Variants in DCAF8L2 observed in about 807,000 individuals in gnomAD.
DCAF8L2 encodes the protein DDB1 and CUL4 associated factor 8 like 2.
For synonymous variants in DCAF8L2, 200 were observed against 190.9 expected (o/e 1.05, Z -0.39); for missense variants, 430 against 490.7 (o/e 0.88, Z 1.17).
chrX:27,590,991 T>TTTTATATA (rs761150025), intron 1 of DCAF8L2, among the ~76,000 whole-genome samples: 2 of 68,064 alleles, frequency 2.9e-5, no homozygotes, highest in African/African-American at 8.8e-5. Context: ...CCTTTACATT[T>TTTTATATA]TATATATATA....
rs1369280908 is a variant in DCAF8L2 at position 27,728,144 on chromosome X, C to T, written c.-59+11973C>T. Among the ~76,000 whole-genome samples, 4 of 111,309 alleles carry T rather than the reference C, an allele frequency of 3.6e-5. No homozygotes were observed. In the Admixed American group the frequency reaches 3.8e-4, roughly 11 times the overall value. On this transcript the variant is annotated intron_variant, in intron 4 of 4. Coordinates refer to ENST00000451261, the MANE Select transcript of DCAF8L2 (RefSeq NM_001353450.2). ...CAATAAATATGCAACACAGAACTGC[C>T]GATGAGTTAATGCACCTTAGGGAGG...
intron 3 of DCAF8L2, among the ~76,000 whole-genome samples, chrX:27,705,838 C>A (rs1205849089): frequency 2.7e-5 from 3 of 111,491 alleles, no homozygotes; most frequent in African/African-American, 9.8e-5. Flanking sequence ...TTGTTTTTGC[C>A]ATCTTTGTCA....
intron 2 of DCAF8L2, among the ~76,000 whole-genome samples, chrX:27,662,194 C>T (rs1929582462): frequency 9.0e-6 from 1 of 110,704 alleles, no homozygotes; most frequent in Admixed American, 9.7e-5. Flanking sequence ...GATATTATGT[C>T]TGTAAAGATT....
the DCAF8L2 span, among the ~76,000 whole-genome samples, chrX:27,478,481 G>A: frequency 8.9e-6 from 1 of 111,963 alleles, no homozygotes; most frequent in Admixed American, 9.5e-5. Context: ...GATTACATTT[G>A]CTTTCTTTGT....
At chrX:27,530,409 T>C in the DCAF8L2 span, among the ~76,000 whole-genome samples, 1 of 111,012 alleles carries the variant, frequency 9.0e-6, no homozygotes, top group African/African-American at 3.3e-5. Context: ...ATATATCTTG[T>C]CCCTGTTCCA....
At chrX:27,689,274 C>T (rs1276568002) in intron 3 of DCAF8L2, among the ~76,000 whole-genome samples, 2 of 112,237 alleles carry the variant, frequency 1.8e-5, no homozygotes, top group Non-Finnish European at 3.8e-5. Context: ...GATGGAGTCT[C>T]GCTCAGTCAC....
At chrX:27,564,208 AAG>A in the DCAF8L2 span, among the ~76,000 whole-genome samples, 74 of 110,829 alleles carry the variant, frequency 6.7e-4, no homozygotes, top group African/African-American at 2.2e-3. Context: ...TGTCAAGCAA[AAG>A]GGGGAAAGCC....
the DCAF8L2 span, among the ~76,000 whole-genome samples, chrX:27,474,004 A>G: frequency 9.0e-6 from 1 of 110,960 alleles, no homozygotes; most frequent in African/African-American, 3.3e-5. Context: ...CTAGGGCTCT[A>G]ATGTTCAGGC....
the DCAF8L2 span, among the ~76,000 whole-genome samples, chrX:27,515,499 C>G: frequency 1.8e-5 from 2 of 111,386 alleles, no homozygotes; most frequent in African/African-American, 3.3e-5. Flanking sequence ...GAGCTGAGAT[C>G]GTGCCATTGA....
At chrX:27,541,930 A>T in the DCAF8L2 span, among the ~76,000 whole-genome samples, 1 of 111,568 alleles carries the variant, frequency 9.0e-6, no homozygotes, top group East Asian at 2.8e-4. Flanking sequence ...TGACTTACAA[A>T]TGAGAACATG....
the DCAF8L2 span, among the ~76,000 whole-genome samples, chrX:27,494,546 A>G: frequency 3.5e-5 from 4 of 112,773 alleles, no homozygotes; most frequent in Non-Finnish European, 7.5e-5. Flanking sequence ...CACTTCCACC[A>G]GAAAGATATG....
At chrX:27,475,166 A>G in the DCAF8L2 span, among the ~76,000 whole-genome samples, 5 of 111,414 alleles carry the variant, frequency 4.5e-5, no homozygotes, top group Non-Finnish European at 9.4e-5. Flanking sequence ...TTACTATTTA[A>G]GCAAAATGAC....
the DCAF8L2 span, among the ~76,000 whole-genome samples, chrX:27,552,158 T>G: frequency 1.8e-5 from 2 of 111,707 alleles, no homozygotes; most frequent in African/African-American, 3.2e-5. Flanking sequence ...TTGTTTGTTT[T>G]TTGCTACTGA....
the DCAF8L2 span, among the ~76,000 whole-genome samples, chrX:27,535,912 A>G: frequency 1.8e-5 from 2 of 111,990 alleles, no homozygotes; most frequent in African/African-American, 3.2e-5. Context: ...AATATAAAGA[A>G]CAAATAAGAT....
At chrX:27,679,239 G>A (rs754160670) in intron 3 of DCAF8L2, among the ~76,000 whole-genome samples, 1 of 111,835 alleles carries the variant, frequency 8.9e-6, no homozygotes, top group Admixed American at 9.5e-5. Context: ...TTATCTTGAG[G>A]GGTCCTCCTT....
chrX:27,500,837 A>C, the DCAF8L2 span, among the ~76,000 whole-genome samples: 1 of 111,526 alleles, frequency 9.0e-6, no homozygotes, highest in Non-Finnish European at 1.9e-5. Flanking sequence ...TAATAGACCA[A>C]ATTATGGTCC....
At chrX:27,517,954 T>A in the DCAF8L2 span, 7 of 1,198,186 alleles carry the variant, frequency 5.8e-6, no homozygotes, top group Admixed American at 1.5e-4. Flanking sequence ...GTCTGGTTTT[T>A]TTGGGCTGCA....
chrX:27,581,841 C>T, the DCAF8L2 span, among the ~76,000 whole-genome samples: 1 of 112,145 alleles, frequency 8.9e-6, no homozygotes, highest in Non-Finnish European at 1.9e-5. Flanking sequence ...ACCTCGGCAT[C>T]CCAAAGTGCA....
At chrX:27,546,926 T>C in the DCAF8L2 span, among the ~76,000 whole-genome samples, 1 of 112,575 alleles carries the variant, frequency 8.9e-6, no homozygotes, top group African/African-American at 3.2e-5. Context: ...GTCTTAGTGA[T>C]TAACATTTGG....
Sources: gnomAD v4.1 joint callset for allele counts (sites outside exome capture counted in the v4.1 genomes callset) on GRCh38, gnomAD v4.1.1 for gene constraint, MANE v1.5 for transcripts, NCBI Gene and HGNC (gene_info 2026-07-23, HGNC 2026-07-21) for gene names.